Variants in MIER1 observed in about 807,000 individuals in gnomAD.
The protein encoded by MIER1 is MIER1 transcriptional regulator.
In MIER1, 40 loss-of-function variants were observed where a neutral mutation model predicts 75.7. The observed-to-expected ratio is 0.53, with a 90% CI of 0.41 to 0.69. The LOEUF (loss-of-function observed/expected upper bound fraction) is 0.69, where lower values mean the gene tolerates loss of function less well. Among genes scored for constraint, MIER1 ranks in the 30% least tolerant of loss-of-function variants. The probability of loss-of-function intolerance (pLI) is 0.00; values close to 1 mark genes in which losing one functional copy is unlikely to be tolerated. For synonymous variants in MIER1, 213 were observed against 223.4 expected (o/e 0.95, Z 0.42); for missense variants, 574 against 680.2 (o/e 0.84, Z 1.74).
At chr1:66,968,490 T>G (rs1238698926) in intron 8 of MIER1, among the ~76,000 whole-genome samples, 2 of 152,166 alleles carry the variant, frequency 1.3e-5, no homozygotes, top group Non-Finnish European at 2.9e-5. Flanking sequence ...TTGTAGGGAT[T>G]ACTTAATGGA....
chr1:66,946,076 A>G lies in MIER1; in HGVS notation c.194-74A>G. 7 of 1,360,468 alleles carry G rather than the reference A, an allele frequency of 5.1e-6. No homozygotes were observed. The South Asian group carries it at 1.1e-4, about 21-fold the overall frequency. The allele number at this position is 1,360,468 out of a possible 1,614,324, so 84.3% of individuals were successfully genotyped here. A position where few individuals can be genotyped will look rare whatever the true frequency, so the allele number is the denominator to read the frequency against. ...TTTTGACTTACATCCAGCATCAAAT[A>G]AAAATATATACATTAATATTAATAA... is the stretch of plus-strand genomic sequence containing the variant. On this transcript the variant is annotated intron_variant, in intron 3 of 13. Transcript: ENST00000401041.
chr1:66,928,427 CTT>C (rs950288367), intron 2 of MIER1, among the ~76,000 whole-genome samples: 13 of 152,258 alleles, frequency 8.5e-5, no homozygotes, highest in Middle Eastern at 3.4e-3. Context: ...TATTGTAACA[CTT>C]TTAATTTTCC....
chr1:66,974,079 A>C (rs1297404610), intron 11 of MIER1, among the ~76,000 whole-genome samples: 1 of 151,868 alleles, frequency 6.6e-6, no homozygotes, highest in Non-Finnish European at 1.5e-5. Context: ...TGCATTAACT[A>C]GTTTATTCTT....
At chr1:66,930,764 T>C (rs1211317495) in intron 2 of MIER1, among the ~76,000 whole-genome samples, 1 of 152,106 alleles carries the variant, frequency 6.6e-6, no homozygotes, top group Non-Finnish European at 1.5e-5. Flanking sequence ...CGAAGTTTTT[T>C]CCCTTCCTAA....
At chr1:66,969,975 A>G (rs1387911754) in intron 8 of MIER1, among the ~76,000 whole-genome samples, 1 of 152,154 alleles carries the variant, frequency 6.6e-6, no homozygotes, top group African/African-American at 2.4e-5. Context: ...ACAGAATTTA[A>G]CCAGTCTTTG....
At chr1:66,934,084 C>A (rs1301758212) in intron 2 of MIER1, among the ~76,000 whole-genome samples, 1 of 152,070 alleles carries the variant, frequency 6.6e-6, no homozygotes, top group African/African-American at 2.4e-5. Flanking sequence ...GTATGAAATT[C>A]ATGAAGTAGC....
chr1:66,959,543 G>A lies in MIER1; in HGVS notation c.635-136G>A, dbSNP rs375468386. ...TTAAGTGATAGGGTGTTAATTATTTGGTTAGAAATATCTTGGCTTAATTCA... is the reference window on the plus strand; with the variant it reads ...TTAAGTGATAGGGTGTTAATTATTTAGTTAGAAATATCTTGGCTTAATTCA... On this transcript the variant is annotated intron_variant, in intron 6 of 13. Transcript: ENST00000401041. The A allele has an allele frequency of 8.3e-5, 39 of 467,484 alleles. 2 individuals carry two copies. The highest frequency in any genetic ancestry group is 5.7e-4 in the Admixed American group (14 of 24,570). The allele number at this position is 467,484 out of a possible 1,614,324, so 29.0% of individuals were successfully genotyped here. A position where few individuals can be genotyped will look rare whatever the true frequency, so the allele number is the denominator to read the frequency against.
At chr1:66,928,997 A>G (rs548723936) in intron 2 of MIER1, 16 of 1,299,538 alleles carry the variant, frequency 1.2e-5, no homozygotes, top group Non-Finnish European at 1.8e-5. Context: ...TACTTCATAT[A>G]TCTGTAAATG....
intron 13 of MIER1, among the ~76,000 whole-genome samples, chr1:66,983,914 C>T (rs967542126): frequency 1.3e-5 from 2 of 152,148 alleles, no homozygotes; most frequent in African/African-American, 4.8e-5. Context: ...TTAGTAGAGA[C>T]AAGTTTTCAC....
intron 2 of MIER1, among the ~76,000 whole-genome samples, chr1:66,936,710 A>G (rs1261869015): frequency 6.6e-6 from 1 of 151,970 alleles, no homozygotes; most frequent in Non-Finnish European, 1.5e-5. Flanking sequence ...AATCATTTCA[A>G]AAAAGAGAGG....
chr1:66,982,736 C>T (rs937669719), intron 13 of MIER1, among the ~76,000 whole-genome samples: 4 of 152,236 alleles, frequency 2.6e-5, no homozygotes, highest in African/African-American at 9.6e-5. Flanking sequence ...GACCTTTGGT[C>T]TCACATTGGT....
At chr1:66,930,129 G>A in intron 2 of MIER1, 1 of 1,043,906 alleles carries the variant, frequency 9.6e-7, no homozygotes, top group Non-Finnish European at 1.2e-6. Context: ...AGGGCTGGCC[G>A]CGGGGCCGCG....
chr1:66,958,034 T>G, intron 4 of MIER1, 25 bp from the exon 5 acceptor site: 8 of 1,481,978 alleles, frequency 5.4e-6, no homozygotes, highest in Non-Finnish European at 7.3e-6. Context: ...GATTCAGAGA[T>G]TACCTTTTAT....
Position 66,981,850 on chromosome 1 carries a change from C to T in MIER1, c.1301C>T (p.Thr434Ile). ...AGTCGAGCACCATCCCCTCCCCCAA[C>T]TGCATCAAACAGTAGTAACAGCCAG... ...ASSRAPSPPP[T>I]ASNSSNSQSE... The change falls in exon 13 of 14, where the codon ACT (threonine) becomes ATT (isoleucine). Residue 434 changes from threonine to isoleucine, a missense_variant. Physicochemically the swap from Thr to Ile is moderately conservative, Grantham distance 89 (BLOSUM62 -1). Transcript: ENST00000401041. The T allele has an allele frequency of 6.2e-7, 1 of 1,614,074 alleles. No homozygotes were observed. The highest frequency in any genetic ancestry group is 8.5e-7 in the Non-Finnish European group (1 of 1,179,920).
Position 66,971,700 on chromosome 1 carries a change from T to C in MIER1, c.970T>C (p.Leu324=). 1.3e-6 allele frequency: 2 copies of C among 1,515,718 alleles called. No individual in the cohort carries two copies. Among genetic ancestry groups the C allele is most frequent in the Non-Finnish European group, 9.1e-7 (1 of 1,100,544 alleles). The allele number at this position is 1,515,718 out of a possible 1,614,324, so 93.9% of individuals were successfully genotyped here. A position where few individuals can be genotyped will look rare whatever the true frequency, so the allele number is the denominator to read the frequency against. The change falls in exon 10 of 14, where the codon TTG becomes CTG. Residue 324 remains leucine, a synonymous_variant. Coordinates refer to ENST00000401041, the MANE Select transcript of MIER1 (RefSeq NM_001077700.3). ...ATGCAATTTTGATACAGAAGAAGCA[T>C]TGAGAAGATTAAGATTTAATGTAAA... ...VKCNFDTEEA[L]RRLRFNVKAA...
At chr1:66,972,330 A>G (rs1361325276) in intron 10 of MIER1, among the ~76,000 whole-genome samples, 3 of 150,010 alleles carry the variant, frequency 2.0e-5, no homozygotes, top group African/African-American at 7.4e-5. Context: ...TGAGGATGTA[A>G]CTATAAACAA....
Position 66,925,003 on chromosome 1 carries a change from GC to G in MIER1, c.-25del, listed in dbSNP as rs1306092334. On this transcript the variant is annotated 5_prime_UTR_variant, in exon 1 of 14. Transcript: ENST00000401041. ...GGCCCGGGCCTCAGGCCCCTCCCAG[GC>G]TCTGAGTCTCCCGGCTGCAGGCGGA... is the stretch of plus-strand genomic sequence containing the variant. 6.5e-7 allele frequency: 1 copy of G among 1,545,838 alleles called. No homozygotes were observed. The highest frequency in any genetic ancestry group is 8.7e-7 in the Non-Finnish European group (1 of 1,145,646).
chr1:66,940,120 C>G, intron 3 of MIER1, 68 bp downstream of exon 3: 2 of 1,170,466 alleles, frequency 1.7e-6, no homozygotes, highest in Non-Finnish European at 1.3e-6. Context: ...TGCATAAAGA[C>G]TAGAGGAGTT....
rs1558100483 is a variant in MIER1 at position 66,972,263 on chromosome 1, GA to G, written c.1006+528del. Among the ~76,000 whole-genome samples the G allele has an allele frequency of 1.9e-4, 5 of 26,122 alleles. 1 individual carries two copies. The highest frequency in any genetic ancestry group is 2.8e-4 in the Non-Finnish European group (3 of 10,708). The allele number at this position is 26,122 out of a possible 152,430, so 17.1% of individuals were successfully genotyped here. A position where few individuals can be genotyped will look rare whatever the true frequency, so the allele number is the denominator to read the frequency against. On this transcript the variant is annotated intron_variant, in intron 10 of 13. Transcript: ENST00000401041. ...ATATATATATATATATATATATATA[GA>G]TATGTAACAAATGAGAGATATTTAT...
Sources: gnomAD v4.1 joint callset for allele counts (sites outside exome capture counted in the v4.1 genomes callset) on GRCh38, gnomAD v4.1.1 for gene constraint, MANE v1.5 for transcripts, NCBI Gene and HGNC (gene_info 2026-07-23, HGNC 2026-07-21) for gene names.